The following RIN2 variants were observed in gnomAD, a reference collection of about 807,000 sequenced individuals.
RIN2 encodes RAB5 interacting protein 2.
A neutral mutation model predicts 78.0 loss-of-function variants in RIN2; 36 were observed. The ratio of observed to expected loss-of-function variants is 0.46; its 90% CI spans 0.35 to 0.61. RIN2 has a LOEUF of 0.61. Among genes scored for constraint, RIN2 ranks in the 20% least tolerant of loss-of-function variants. RIN2 has a pLI of 0.00. For missense variants in RIN2, 1,087 were observed against 1,159.7 expected (o/e 0.94, Z 0.91); for synonymous variants, 466 against 466.8 (o/e 1.00, Z 0.02).
At chr20:19,774,780 C>T (rs7275140) in intron 1 of RIN2, among the ~76,000 whole-genome samples, 100 of 152,340 alleles carry the variant, frequency 6.6e-4, no homozygotes, top group African/African-American at 2.4e-3. Context: ...TTACAAAGTT[C>T]ACCCTGACTG....
Position 19,996,681 on chromosome 20 carries a change from G to A in RIN2, c.2203G>A (p.Gly735Ser). Residue 735 changes from glycine to serine, a missense_variant and splice_region_variant, in exon 12 of 13, where the codon GGC (glycine) becomes AGC (serine). By Grantham distance (56) the Gly-to-Ser change is moderately conservative (BLOSUM62 0). Transcript: ENST00000255006. ...LDPSLLHGEG[G>S]YYLTSAYGAL... is the part of the protein sequence containing the mutation. ...CCCACTCTTTCTGCTCTTTTCAGGA[G>A]GCTATTACTTGACAAGCGCATATGG... 1 of 1,614,036 alleles carries A rather than the reference G, an allele frequency of 6.2e-7. No homozygotes were observed. Among genetic ancestry groups the A allele is most frequent in the Non-Finnish European group, 8.5e-7 (1 of 1,179,896 alleles).
chr20:19,964,973 G>C lies in RIN2; in HGVS notation c.485G>C (p.Gly162Ala). Residue 162 changes from glycine to alanine, a missense_variant, in exon 7 of 13, where the codon GGA becomes GCA. By Grantham distance (60) the Gly-to-Ala change is moderately conservative. Around this residue, in one of 8 missense-constraint regions of RIN2, gnomAD observed 706 missense variants for 667.5 expected, o/e 1.06. Transcript: ENST00000255006. ...STYTFSLEGS[G>A]ISFADLFRLI... ...CCAGCCTTTTCCCTGGAAGGCTCAG[G>C]AATCAGTTTCGCAGATTTATTCCGG... 1 of 1,613,618 alleles carries C rather than the reference G, an allele frequency of 6.2e-7. No homozygotes were observed. Among genetic ancestry groups the C allele is most frequent in the Non-Finnish European group, 8.5e-7 (1 of 1,179,812 alleles).
chr20:19,794,228 C>T (rs2034978578), intron 1 of RIN2, among the ~76,000 whole-genome samples: 1 of 152,014 alleles, frequency 6.6e-6, no homozygotes. Flanking sequence ...AAAATGGCAC[C>T]CAGCAAGTGG....
chr20:19,985,658 G>C (rs1170040098), intron 9 of RIN2, among the ~76,000 whole-genome samples: 2 of 152,168 alleles, frequency 1.3e-5, no homozygotes, highest in African/African-American at 2.4e-5. Flanking sequence ...GATCCCTTGA[G>C]ACCAGGAGTT....
At chr20:19,825,500 T>G (rs887484905) in intron 2 of RIN2, among the ~76,000 whole-genome samples, 2 of 152,216 alleles carry the variant, frequency 1.3e-5, no homozygotes, top group African/African-American at 2.4e-5. Flanking sequence ...TTCTAGGCCC[T>G]TCAGCTAGGC....
chr20:19,934,154 T>C (rs867363340), intron 3 of RIN2, among the ~76,000 whole-genome samples: 5 of 152,206 alleles, frequency 3.3e-5, no homozygotes, highest in Admixed American at 1.3e-4. Flanking sequence ...CTTATGTTTG[T>C]ATGGATCATA....
rs182532797 is a variant in RIN2 at position 19,773,459 on chromosome 20, T to G, written c.-163+15132T>G. On this transcript the variant is annotated intron_variant, in intron 1 of 12. Coordinates refer to ENST00000255006, the MANE Select transcript of RIN2 (RefSeq NM_018993.4). ...GGCATTCTCAGCAGTAAATAGCTAT[T>G]CCAGGTCAAAGGGCTGGGTGTGAGT... 2.0e-5 allele frequency among the ~76,000 whole-genome samples: 3 copies of G among 152,252 alleles called. No homozygotes were observed. The East Asian group carries it at 5.8e-4, about 29-fold the overall frequency.
intron 9 of RIN2, among the ~76,000 whole-genome samples, chr20:19,981,796 T>G (rs946745465): frequency 6.6e-6 from 1 of 152,214 alleles, no homozygotes. Context: ...CAGTATTTAT[T>G]ATTTATGAGC....
At chr20:19,851,763 G>A (rs2036988909) in intron 2 of RIN2, among the ~76,000 whole-genome samples, 1 of 152,270 alleles carries the variant, frequency 6.6e-6, no homozygotes, top group African/African-American at 2.4e-5. Flanking sequence ...ACCACACATG[G>A]TTGCTGAGCA....
At chr20:19,889,780 C>A in intron 3 of RIN2, 122 bp downstream of exon 3, 1 of 706,516 alleles carries the variant, frequency 1.4e-6, no homozygotes, top group Non-Finnish European at 2.2e-6. Context: ...GCTAAGGGAG[C>A]TTGCCCGAGC....
chr20:19,999,333 A>G (rs550040039), intron 12 of RIN2, among the ~76,000 whole-genome samples: 5 of 151,842 alleles, frequency 3.3e-5, no homozygotes, highest in Admixed American at 3.3e-4. Context: ...CCACTAGCTC[A>G]CCTCTCCTGC....
At chr20:19,805,248 G>A (rs1040249158) in intron 2 of RIN2, among the ~76,000 whole-genome samples, 4 of 152,152 alleles carry the variant, frequency 2.6e-5, no homozygotes, top group Admixed American at 6.5e-5. Context: ...CATACGGAGG[G>A]CAAAGAGGCC....
In RIN2 at chr20:19,975,260, C is replaced by T. The variant is rs1283938416; in HGVS notation, c.1235C>T (p.Pro412Leu). 6.3e-7 allele frequency: 1 copy of T among 1,583,892 alleles called. No individual in the cohort carries two copies. Among genetic ancestry groups the T allele is most frequent in the Non-Finnish European group, 8.6e-7 (1 of 1,165,322 alleles). The change falls in exon 9 of 13, where the codon CCG (proline) becomes CTG (leucine). Residue 412 changes from proline to leucine, a missense_variant. By Grantham distance (98) the Pro-to-Leu change is moderately conservative. Around this residue, in one of 8 missense-constraint regions of RIN2, gnomAD observed 706 missense variants for 667.5 expected, o/e 1.06. Transcript: ENST00000255006. This position sits in a 1 kb window ranked among gnomAD's most constrained non-coding sequence, Gnocchi z 4.9. ...EAAPGDCTRA[P>L]PPSSESRPPC... The stretch of plus-strand genomic sequence containing the variant: ...GCCCCGGGGGATTGCACAAGGGCCC[C>T]GCCGCCCAGCTCTGAATCACGGCCC...
intron 8 of RIN2, 83 bp from the exon 9 acceptor site, chr20:19,974,571 G>A (rs527272192): frequency 6.5e-6 from 9 of 1,374,920 alleles, no homozygotes; most frequent in South Asian, 1.3e-5. Flanking sequence ...GCGTTGTCAT[G>A]CAGTGTGCTT....
At chr20:19,786,966 G>A (rs2034697226) in intron 1 of RIN2, among the ~76,000 whole-genome samples, 2 of 152,168 alleles carry the variant, frequency 1.3e-5, no homozygotes, top group South Asian at 4.1e-4. Flanking sequence ...ATAGGTTACT[G>A]GAGAGCTATT....
intron 2 of RIN2, among the ~76,000 whole-genome samples, chr20:19,869,410 G>T (rs1009647894): frequency 3.3e-5 from 5 of 152,104 alleles, no homozygotes; most frequent in African/African-American, 9.7e-5. Context: ...ACGAAGCCAC[G>T]TCATCACTGG....
At chr20:19,776,297 A>G (rs971755572) in intron 1 of RIN2, among the ~76,000 whole-genome samples, 2 of 152,242 alleles carry the variant, frequency 1.3e-5, no homozygotes, top group African/African-American at 2.4e-5. Flanking sequence ...TTGAAGTCTG[A>G]TGAGAAACAT....
At chr20:19,848,534 CAAAA>C (rs11352724) in intron 2 of RIN2, among the ~76,000 whole-genome samples, 2 of 52,838 alleles carry the variant, frequency 3.8e-5, no homozygotes, top group East Asian at 5.8e-4. Flanking sequence ...GACTCCATCT[CAAAA>C]AAAAAAAAAA....
intron 2 of RIN2, among the ~76,000 whole-genome samples, chr20:19,810,739 G>T (rs1293768348): frequency 7.3e-6 from 1 of 137,644 alleles, no homozygotes; most frequent in African/African-American, 2.9e-5. Context: ...TCTCGCCCAG[G>T]CTAGAGTGCA....
Sources: allele counts gnomAD v4.1 joint callset (sites outside exome capture counted in the v4.1 genomes callset), GRCh38; gene constraint gnomAD v4.1.1; regional missense constraint gnomAD v4.1.1; non-coding constraint Gnocchi (gnomAD v3.1); transcripts MANE v1.5; gene names NCBI Gene and HGNC (gene_info 2026-07-23, HGNC 2026-07-21).